ASTN2: variants seen among roughly 807,000 people sequenced by gnomAD.
ASTN2 encodes astrotactin-2.
ASTN2 carries 54 observed loss-of-function variants against 139.8 expected under a neutral mutation model. The ratio of observed to expected loss-of-function variants is 0.39; its 90% CI spans 0.31 to 0.48. The LOEUF is 0.48. Among genes scored for constraint, ASTN2 ranks in the 20% least tolerant of loss-of-function variants. The pLI, the probability that ASTN2 is intolerant of heterozygous loss-of-function variation, is 0.95. For missense variants in ASTN2, 1,565 were observed against 1,725.1 expected, an observed-to-expected ratio of 0.91 and a Z score of 1.64; for synonymous variants, 756 against 719.5, an observed-to-expected ratio of 1.05 and a Z score of -0.81.
intron 6 of ASTN2, among the ~76,000 whole-genome samples, chr9:117,032,122 C>A (rs562295908): frequency 6.6e-6 from 1 of 152,122 alleles, no homozygotes; most frequent in Non-Finnish European, 1.5e-5. Flanking sequence ...TAGAAAGGCA[C>A]AAATATAATT....
chr9:117,290,055 C>T (rs1247072017), intron 2 of ASTN2, among the ~76,000 whole-genome samples: 3 of 152,190 alleles, frequency 2.0e-5, no homozygotes, highest in Admixed American at 1.3e-4. Flanking sequence ...TCAAAAAATA[C>T]TGCTGATTGT....
In ASTN2 at chr9:116,968,006, A is replaced by C. The variant is rs188597376; in HGVS notation, c.1889+7202T>G. Among the ~76,000 whole-genome samples the C allele has an allele frequency of 7.9e-5, 12 of 152,276 alleles. No individual in the cohort carries two copies. In the East Asian group the frequency reaches 2.3e-3, roughly 29 times the overall value. On this transcript the variant is annotated intron_variant, in intron 10 of 22. Transcript: ENST00000313400. The stretch of plus-strand genomic sequence containing the variant: ...ACTGTACTACAATTCTACAATTCCT[A>C]CTGCTTCTAAAACTTCTCATTCATT...
intron 12 of ASTN2, among the ~76,000 whole-genome samples, chr9:116,808,062 C>A (rs1588310136): frequency 6.6e-6 from 1 of 152,128 alleles, no homozygotes; most frequent in South Asian, 2.1e-4. Context: ...TGTAGTTAGC[C>A]GAGATCATGC....
At chr9:117,360,345 G>C (rs1457969083) in intron 1 of ASTN2, among the ~76,000 whole-genome samples, 2 of 152,096 alleles carry the variant, frequency 1.3e-5, no homozygotes, top group African/African-American at 4.8e-5. Context: ...AGAGTCCAGG[G>C]AATATGGGAG....
At chr9:117,131,668 C>G (rs995669424) in intron 4 of ASTN2, among the ~76,000 whole-genome samples, 4 of 152,146 alleles carry the variant, frequency 2.6e-5, no homozygotes, top group Non-Finnish European at 2.9e-5. Flanking sequence ...TCTACAACCC[C>G]CATTATCTTA....
At chr9:116,426,873 A>T (rs1847325394) in intron 22 of ASTN2, among the ~76,000 whole-genome samples, 1 of 152,172 alleles carries the variant, frequency 6.6e-6, no homozygotes. Flanking sequence ...CCTGGTATAG[A>T]GCTCAGAGTA....
chr9:116,597,233 G>A (rs1045917155), intron 19 of ASTN2, among the ~76,000 whole-genome samples: 11 of 146,384 alleles, frequency 7.5e-5, no homozygotes, highest in Admixed American at 6.9e-4. Context: ...TAGGCATTGT[G>A]ATCCAACTCT....
chr9:116,856,947 C>T (rs1210642351), intron 11 of ASTN2, among the ~76,000 whole-genome samples: 1 of 152,210 alleles, frequency 6.6e-6, no homozygotes, highest in African/African-American at 2.4e-5. Flanking sequence ...AATCCTTCCA[C>T]TTCCCTTAGT....
chr9:116,564,707 A>T (rs1853094848), intron 19 of ASTN2, among the ~76,000 whole-genome samples: 1 of 151,972 alleles, frequency 6.6e-6, no homozygotes, highest in African/African-American at 2.4e-5. Flanking sequence ...CCTCCCTCCC[A>T]TTCTTCTTTC....
intron 1 of ASTN2, among the ~76,000 whole-genome samples, chr9:117,374,369 TAA>T (rs57428022): frequency 0.015 from 1,273 of 87,314 alleles, 13 homozygotes; most frequent in African/African-American, 0.044. Context: ...AGGGCAGGGT[TAA>T]AAAAAAAAAA....
intron 12 of ASTN2, among the ~76,000 whole-genome samples, chr9:116,806,316 C>T (rs187944818): frequency 2.4e-4 from 37 of 152,272 alleles, no homozygotes; most frequent in African/African-American, 5.3e-4. Context: ...TAGCAGCCTC[C>T]GTTGGTCTAA....
chr9:116,955,967 G>A (rs1328292706), intron 10 of ASTN2, among the ~76,000 whole-genome samples: 22 of 152,146 alleles, frequency 1.4e-4, no homozygotes, highest in Admixed American at 1.2e-3. Flanking sequence ...GTCTCTTTCC[G>A]GAGAGGTTTG....
chr9:117,027,428 C>G (rs955227102), intron 6 of ASTN2, among the ~76,000 whole-genome samples: 3 of 152,162 alleles, frequency 2.0e-5, no homozygotes, highest in African/African-American at 7.2e-5. Context: ...CCTGGGTAAA[C>G]CCTCCCATTA....
intron 2 of ASTN2, among the ~76,000 whole-genome samples, chr9:117,245,452 A>C (rs1833352410): frequency 6.6e-6 from 1 of 152,154 alleles, no homozygotes; most frequent in Non-Finnish European, 1.5e-5. Context: ...GGGCTGCTGG[A>C]GTCTCAGCAG....
intron 2 of ASTN2, among the ~76,000 whole-genome samples, chr9:117,227,961 T>C (rs1832768017): frequency 6.6e-6 from 1 of 152,162 alleles, no homozygotes; most frequent in Non-Finnish European, 1.5e-5. Context: ...ATGGAAATCA[T>C]AGGACTTTAG....
intron 2 of ASTN2, among the ~76,000 whole-genome samples, chr9:117,217,101 T>G (rs1280311007): frequency 6.6e-6 from 1 of 151,978 alleles, no homozygotes; most frequent in Admixed American, 6.6e-5. Flanking sequence ...ACGGCAATTC[T>G]CACTGACTAA....
chr9:117,085,463 A>T (rs557453437), intron 5 of ASTN2, among the ~76,000 whole-genome samples: 3 of 152,320 alleles, frequency 2.0e-5, no homozygotes, highest in African/African-American at 7.2e-5. Context: ...AGTTGGGAAG[A>T]GATGAGTACA....
chr9:116,925,414 A>G (rs1025641316), intron 10 of ASTN2, among the ~76,000 whole-genome samples: 1 of 152,238 alleles, frequency 6.6e-6, no homozygotes, highest in Non-Finnish European at 1.5e-5. Context: ...ATGGGGCAGA[A>G]GATGAGCTTC....
chr9:117,078,198 A>G (rs1034522546), intron 5 of ASTN2, among the ~76,000 whole-genome samples: 4 of 152,344 alleles, frequency 2.6e-5, no homozygotes, highest in Non-Finnish European at 4.4e-5. Flanking sequence ...TAGCCTTTAT[A>G]AGTCATGTAA....
Sources: allele counts gnomAD v4.1 joint callset (sites outside exome capture counted in the v4.1 genomes callset), GRCh38; gene constraint gnomAD v4.1.1; transcripts MANE v1.5; gene names NCBI Gene and HGNC (gene_info 2026-07-23, HGNC 2026-07-21).